The following PRKCH variants were observed in gnomAD, a reference collection of about 807,000 sequenced individuals.
PRKCH encodes the protein protein kinase C eta type.
A neutral mutation model predicts 82.5 loss-of-function variants in PRKCH; 28 were observed. The ratio of observed to expected loss-of-function variants is 0.34; its 90% CI spans 0.25 to 0.47. The LOEUF (loss-of-function observed/expected upper bound fraction) is 0.47, where lower values mean the gene tolerates loss of function less well. PRKCH is among the 20% of genes least tolerant of loss of function. The probability of loss-of-function intolerance (pLI) is 1.00; values close to 1 mark genes in which losing one functional copy is unlikely to be tolerated. For synonymous variants in PRKCH, 322 were observed against 327.4 expected, an observed-to-expected ratio of 0.98 and a Z score of 0.18; for missense variants, 705 against 881.8, an observed-to-expected ratio of 0.80 and a Z score of 2.54.
chr14:61,461,414 C>T (rs926620459), intron 9 of PRKCH, among the ~76,000 whole-genome samples: 5 of 152,194 alleles, frequency 3.3e-5, no homozygotes, highest in African/African-American at 1.2e-4. Context: ...CAAGCGCCAG[C>T]CTCCTGAACA....
chr14:61,472,110 G>C (rs547804707), intron 9 of PRKCH, among the ~76,000 whole-genome samples: 4 of 152,120 alleles, frequency 2.6e-5, no homozygotes, highest in African/African-American at 9.7e-5. Flanking sequence ...AGCGTGCAGC[G>C]TCTGTTTAAT....
chr14:61,319,875 A>G (rs2045593862), upstream of PRKCH, among the ~76,000 whole-genome samples: 1 of 152,230 alleles, frequency 6.6e-6, no homozygotes, highest in Non-Finnish European at 1.5e-5. Context: ...GGTGTTTTCA[A>G]GACAGGCCCT....
chr14:61,208,794 T>C (rs1162071547), intron 1 of PRKCH, among the ~76,000 whole-genome samples: 1 of 152,216 alleles, frequency 6.6e-6, no homozygotes, highest in Non-Finnish European at 1.5e-5. Flanking sequence ...AAAGTTCAAT[T>C]ACCATTGCTA....
chr14:61,441,987 A>G (rs1956801093), intron 2 of PRKCH, among the ~76,000 whole-genome samples: 1 of 151,534 alleles, frequency 6.6e-6, no homozygotes. Context: ...GGAGTATAAT[A>G]TTTTTCTGTG....
intron 1 of PRKCH, among the ~76,000 whole-genome samples, chr14:61,227,601 G>T (rs113162042): frequency 6.6e-6 from 1 of 151,310 alleles, no homozygotes; most frequent in Admixed American, 6.6e-5. Flanking sequence ...TCAAAAAATA[G>T]ATAAATAAAT....
chr14:61,452,202 G>A (rs193291555), intron 6 of PRKCH, among the ~76,000 whole-genome samples: 21 of 152,206 alleles, frequency 1.4e-4, no homozygotes, highest in Non-Finnish European at 2.4e-4. Flanking sequence ...CTGTAGGCTC[G>A]TGTGTCTTAC....
At chr14:61,544,674 A>T (rs1381006124) in intron 12 of PRKCH, 1 of 152,222 alleles carries the variant, frequency 6.6e-6, no homozygotes, top group African/African-American at 2.4e-5. Flanking sequence ...GTAGGATCTC[A>T]GTAAGTGTGA....
rs534189102 is a variant in PRKCH at position 61,480,834 on chromosome 14, C to T, written c.1279-4668C>T. ...GAAGCCTCACACTCACCCACTCCAG[C>T]GCTTGACAACCTGCCTGCCTTCGCA... On this transcript the variant is annotated intron_variant, in intron 9 of 13. Transcript: ENST00000332981. Among the ~76,000 whole-genome samples the T allele has an allele frequency of 2.5e-3, 386 of 152,304 alleles. 1 individual carries two copies. Among genetic ancestry groups the T allele is most frequent in the African/African-American group, 7.9e-3 (329 of 41,554 alleles).
chr14:61,353,299 T>C (rs1437585499), intron 1 of PRKCH, among the ~76,000 whole-genome samples: 1 of 152,192 alleles, frequency 6.6e-6, no homozygotes, highest in Non-Finnish European at 1.5e-5. Context: ...GCATGTATAA[T>C]TTTATAATCA....
chr14:61,272,392 T>C (rs2045165529), intron 1 of PRKCH, among the ~76,000 whole-genome samples: 1 of 124,348 alleles, frequency 8.0e-6, no homozygotes, highest in African/African-American at 3.1e-5. Flanking sequence ...CTTGGTTTGT[T>C]AACCAGGCTA....
chr14:61,267,805 G>A (rs770965886), intron 1 of PRKCH, among the ~76,000 whole-genome samples: 23 of 151,870 alleles, frequency 1.5e-4, no homozygotes, highest in South Asian at 2.1e-4. Context: ...TTAAGATGTC[G>A]AGAATCATAA....
intron 1 of PRKCH, among the ~76,000 whole-genome samples, chr14:61,380,263 C>T (rs928425009): frequency 8.6e-5 from 13 of 152,002 alleles, no homozygotes; most frequent in African/African-American, 1.5e-4. Flanking sequence ...CCCTGTGTTG[C>T]GCAGACTAAT....
intron 1 of PRKCH, among the ~76,000 whole-genome samples, chr14:61,210,732 C>T (rs1187782068): frequency 6.6e-6 from 1 of 151,314 alleles, no homozygotes; most frequent in Non-Finnish European, 1.5e-5. Context: ...CAAGTGATCA[C>T]ATTAAATAGG....
At chr14:61,360,459 C>T (rs182118664) in intron 1 of PRKCH, among the ~76,000 whole-genome samples, 4 of 151,908 alleles carry the variant, frequency 2.6e-5, no homozygotes, top group East Asian at 3.9e-4. Context: ...GAGCCGAAGT[C>T]GCGCCACTGC....
At chr14:61,308,257 G>A (rs6573377) in intron 1 of PRKCH, among the ~76,000 whole-genome samples, 131,408 of 152,286 alleles carry the variant, frequency 0.86, 57,018 homozygotes, top group Middle Eastern at 0.91. Flanking sequence ...GTGCATTTAC[G>A]TGGAAATATA....
intron 2 of PRKCH, among the ~76,000 whole-genome samples, chr14:61,414,038 C>T (rs1882425667): frequency 6.6e-6 from 1 of 152,120 alleles, no homozygotes. Flanking sequence ...CCTTCTCTTC[C>T]TTTCTCGTAT....
intron 1 of PRKCH, among the ~76,000 whole-genome samples, chr14:61,368,443 C>G (rs1460466264): frequency 5.3e-5 from 8 of 152,118 alleles, no homozygotes; most frequent in African/African-American, 9.7e-5. Flanking sequence ...GCCGGGTCTT[C>G]TGCCTAATAC....
Position 61,550,835 on chromosome 14 carries a change from G to A in PRKCH, c.*1004G>A, listed in dbSNP as rs185068648. The A allele has an allele frequency of 1.3e-5, 2 of 152,320 alleles. No homozygotes were observed. Among genetic ancestry groups the A allele is most frequent in the East Asian group, 3.9e-4 (2 of 5,194 alleles). 9.4% of individuals were successfully genotyped at this position (152,320 alleles called of 1,614,324 possible). A position where few individuals can be genotyped will look rare whatever the true frequency, so the allele number is the denominator to read the frequency against. ...GTTTATTTATGTTTTAAGATGCAAA[G>A]ATGTGTGTTTGATATTCACTTTAAT... On this transcript the variant is annotated 3_prime_UTR_variant, in exon 14 of 14. Transcript: ENST00000332981.
At chr14:61,281,434 G>A in intron 1 of PRKCH, 1 of 286,042 alleles carries the variant, frequency 3.5e-6, no homozygotes, top group Non-Finnish European at 6.9e-6. Context: ...AGGTGAGCAG[G>A]TGGGTGTTTT....
Sources: allele counts gnomAD v4.1 joint callset (sites outside exome capture counted in the v4.1 genomes callset), GRCh38; gene constraint gnomAD v4.1.1; transcripts MANE v1.5; gene names NCBI Gene and HGNC (gene_info 2026-07-23, HGNC 2026-07-21).